Variants in CDH13 observed in about 807,000 individuals in gnomAD.
CDH13 encodes cadherin 13.
In CDH13, 24 loss-of-function variants were observed where a neutral mutation model predicts 63.8. The observed-to-expected ratio is 0.38, with a 90% confidence interval of 0.27 to 0.53. The LOEUF is 0.53. Ranked by LOEUF, CDH13 falls within the 20% of genes least tolerant of loss-of-function variation. The pLI is 0.85. For missense variants in CDH13, 1,049 were observed against 903.1 expected (o/e 1.16, Z -2.07); for synonymous variants, 503 against 355.3 (o/e 1.42, Z -4.67).
chr16:83,349,837 G>T (rs1242418025), intron 6 of CDH13, among the ~76,000 whole-genome samples: 2 of 152,064 alleles, frequency 1.3e-5, no homozygotes, highest in Non-Finnish European at 2.9e-5. Flanking sequence ...CTGACCTCAG[G>T]TTATCCGCCC....
chr16:82,809,030 G>A (rs1036067423), intron 1 of CDH13, among the ~76,000 whole-genome samples: 31 of 151,934 alleles, frequency 2.0e-4, no homozygotes, highest in Non-Finnish European at 1.8e-4. Flanking sequence ...ATATGATTGT[G>A]AACATGCATA....
intron 1 of CDH13, among the ~76,000 whole-genome samples, chr16:82,654,606 T>G (rs2150913416): frequency 6.6e-6 from 1 of 152,338 alleles, no homozygotes; most frequent in South Asian, 2.1e-4. Context: ...ATTCCCATTT[T>G]CTGGACAATT....
intron 8 of CDH13, among the ~76,000 whole-genome samples, chr16:83,605,631 T>A (rs1908255664): frequency 1.3e-5 from 2 of 152,102 alleles, no homozygotes; most frequent in Non-Finnish European, 2.9e-5. Flanking sequence ...TTCTAAAGTA[T>A]AGAGATGAGG....
chr16:82,825,006 A>G (rs770634650), intron 1 of CDH13: 1 of 152,202 alleles, frequency 6.6e-6, no homozygotes, highest in Non-Finnish European at 1.5e-5. Context: ...TTTCTTTAAG[A>G]CAATCTGTGG....
At chr16:83,647,049 G>A (rs955561261) in intron 8 of CDH13, among the ~76,000 whole-genome samples, 3 of 151,732 alleles carry the variant, frequency 2.0e-5, no homozygotes, top group African/African-American at 4.8e-5. Flanking sequence ...GGTGGCTCAC[G>A]CCTGTAATCC....
intron 10 of CDH13, among the ~76,000 whole-genome samples, chr16:83,728,320 T>C (rs1910654416): frequency 7.2e-6 from 1 of 138,344 alleles, no homozygotes; most frequent in Non-Finnish European, 1.5e-5. Context: ...GCACTGGCTA[T>C]GTGTGTATGT....
chr16:83,534,636 T>C (rs1479826310), intron 7 of CDH13, among the ~76,000 whole-genome samples: 2 of 152,226 alleles, frequency 1.3e-5, no homozygotes, highest in Admixed American at 6.5e-5. Flanking sequence ...TACTGATCCA[T>C]ATGATAGCAG....
intron 2 of CDH13, among the ~76,000 whole-genome samples, chr16:82,992,890 T>A (rs906689233): frequency 1.6e-4 from 24 of 152,190 alleles, no homozygotes; most frequent in African/African-American, 5.1e-4. Flanking sequence ...TGGTTAGGCA[T>A]GTCCTTGGCT....
At chr16:82,675,561 C>T (rs1464977836) in intron 1 of CDH13, among the ~76,000 whole-genome samples, 3 of 152,318 alleles carry the variant, frequency 2.0e-5, no homozygotes, top group East Asian at 1.9e-4. Flanking sequence ...GTCACGTTTG[C>T]CTCATTACAA....
intron 2 of CDH13, among the ~76,000 whole-genome samples, chr16:82,897,006 A>C (rs3859083): frequency 0.6 from 90,945 of 151,334 alleles, 28,194 homozygotes; most frequent in African/African-American, 0.67. Flanking sequence ...TGGTCTCAGT[A>C]TCCTGACCTC....
At chr16:83,262,627 T>G (rs4374162) in intron 5 of CDH13, among the ~76,000 whole-genome samples, 30,295 of 152,062 alleles carry the variant, frequency 0.2, 3,332 homozygotes, top group East Asian at 0.38. Context: ...ACTGTCTGAA[T>G]TTGAAAAGAA....
At chr16:82,778,472 T>A (rs1350130424) in intron 1 of CDH13, among the ~76,000 whole-genome samples, 1 of 150,280 alleles carries the variant, frequency 6.7e-6, no homozygotes, top group African/African-American at 2.5e-5. Flanking sequence ...TGAAGTAGTC[T>A]CCCTGGAATA....
Position 82,927,719 on chromosome 16 carries a change from G to A in CDH13, c.157+69246G>A, listed in dbSNP as rs549949562. On this transcript the variant is annotated intron_variant, in intron 2 of 13. Transcript: ENST00000567109. ...TCATTGCCAGCTTATGACTTTGGTC[G>A]TGAGTGATAACAGGTAAGGAACCAT... Among the ~76,000 whole-genome samples the A allele has an allele frequency of 3.9e-5, 6 of 152,234 alleles. No individual in the cohort carries two copies. The South Asian group carries it at 1.0e-3, about 26-fold the overall frequency.
chr16:83,357,632 C>T (rs1329579094), intron 6 of CDH13, among the ~76,000 whole-genome samples: 4 of 152,132 alleles, frequency 2.6e-5, no homozygotes, highest in African/African-American at 7.2e-5. Flanking sequence ...GTACAACTGG[C>T]ATCGAGCGGG....
At chr16:82,641,635 A>G (rs1052135799) in intron 1 of CDH13, among the ~76,000 whole-genome samples, 8 of 152,220 alleles carry the variant, frequency 5.3e-5, no homozygotes, top group African/African-American at 1.9e-4. Flanking sequence ...GGTCAAAGGA[A>G]TCAACTATGG....
At position 83,032,096 on chromosome 16, in the gene CDH13, G is replaced by A. The variant is rs756635742; in HGVS notation, c.244G>A (p.Val82Ile). The A allele has an allele frequency of 5.6e-6, 9 of 1,613,178 alleles. No individual in the cohort carries two copies. The highest frequency in any genetic ancestry group is 7.6e-6 in the Non-Finnish European group (9 of 1,179,624). ...YFKVNSDGGL[V>I]ALRNITAVGK... The stretch of plus-strand genomic sequence containing the variant: ...CAAGGTGAACAGCGATGGCGGCTTA[G>A]TTGCTCTGAGAAACATAACTGCAGT... The change falls in exon 3 of 14, where the codon GTT (valine) becomes ATT (isoleucine). Residue 82 changes from valine (V) to isoleucine (I), a missense_variant. By Grantham distance (29) the Val-to-Ile change is conservative. Transcript: ENST00000567109.
intron 2 of CDH13, among the ~76,000 whole-genome samples, chr16:82,906,055 T>A (rs1265490022): frequency 6.6e-6 from 1 of 152,226 alleles, no homozygotes; most frequent in African/African-American, 2.4e-5. Context: ...TATCTACCTG[T>A]CTAATATCTG....
In CDH13 at chr16:83,172,244, A is replaced by G. The variant is rs144723092; in HGVS notation, c.484-45101A>G. On this transcript the variant is annotated intron_variant, in intron 4 of 13. Transcript: ENST00000567109. ...GGTGGCTCATGCCTGTAATCCCAGC[A>G]CTTTGGGAGGCCGAGGCAGGCAGAT... Among the ~76,000 whole-genome samples the G allele has an allele frequency of 9.2e-3, 1,397 of 152,216 alleles. 24 individuals are homozygous for G. Among genetic ancestry groups the G allele is most frequent in the African/African-American group, 0.032 (1,330 of 41,558 alleles).
At position 82,721,516 on chromosome 16, in the gene CDH13, T is replaced by C. The variant is rs961553401; in HGVS notation, c.45+94379T>C. Among the ~76,000 whole-genome samples, 5 of 151,836 alleles carry C rather than the reference T, an allele frequency of 3.3e-5. No homozygotes were observed. In the South Asian group the frequency reaches 8.3e-4, roughly 25 times the overall value. Reference sequence around the variant, plus strand: ...GGCCAGTCACCCAGTGAGGCTAGAGTGGAACACTGCTCACGTAGGCAGGAA... The same window carrying C: ...GGCCAGTCACCCAGTGAGGCTAGAGCGGAACACTGCTCACGTAGGCAGGAA... On this transcript the variant is annotated intron_variant, in intron 1 of 13. Coordinates refer to ENST00000567109, the MANE Select transcript of CDH13 (RefSeq NM_001257.5).
Sources: gnomAD v4.1 joint callset for allele counts (sites outside exome capture counted in the v4.1 genomes callset) on GRCh38, gnomAD v4.1.1 for gene constraint, MANE v1.5 for transcripts, NCBI Gene and HGNC (gene_info 2026-07-23, HGNC 2026-07-21) for gene names.